The following CNGB3 variants were observed in gnomAD, a reference collection of about 807,000 sequenced individuals.
The protein encoded by CNGB3 is cyclic nucleotide-gated channel beta-3.
CNGB3 carries 86 observed loss-of-function variants against 92.8 expected under a neutral mutation model. That is an observed-to-expected ratio of 0.93 (90% CI 0.78 to 1.11). The LOEUF (loss-of-function observed/expected upper bound fraction) is 1.11, where lower values mean the gene tolerates loss of function less well. Ranked by LOEUF, CNGB3 falls within the 50% of genes least tolerant of loss-of-function variation. The pLI is 0.00. For synonymous variants in CNGB3, 333 were observed against 332.7 expected, an observed-to-expected ratio of 1.00 and a Z score of -0.01; for missense variants, 1,026 against 956.8, an observed-to-expected ratio of 1.07 and a Z score of -0.95.
chr8:86,620,911 T>A (rs1481056910), intron 13 of CNGB3, among the ~76,000 whole-genome samples: 2 of 152,236 alleles, frequency 1.3e-5, no homozygotes, highest in Admixed American at 1.3e-4. Context: ...AAAAAAAGTT[T>A]TTTTCATGTA....
chr8:86,629,183 T>G, intron 11 of CNGB3, 105 bp from the exon 12 acceptor site: 1 of 1,253,216 alleles, frequency 8.0e-7, no homozygotes. Context: ...ATGCCCTGAT[T>G]ACTTGATTTT....
chr8:86,641,381 T>C (rs1823182524), intron 10 of CNGB3, among the ~76,000 whole-genome samples: 1 of 152,034 alleles, frequency 6.6e-6, no homozygotes. Context: ...TTTCTTACTT[T>C]CTTAATAAAT....
At position 86,671,083 on chromosome 8, in the gene CNGB3, C is replaced by A. The variant is rs75858066; in HGVS notation, c.354G>T (p.Pro118=). ...ACTCATTTATAACAGGAGCTGCAGG[C>A]GGTTTGTTTTGTGGGCTAAATGAGA... ...KEGPNSPQNK[P]PAAPVINEYA... is the part of the protein sequence containing the mutation. Residue 118 remains proline, a synonymous_variant, in exon 4 of 18, where the codon CCG becomes CCT. Transcript: ENST00000320005. 2,857 of 1,613,354 alleles carry A rather than the reference C, an allele frequency of 1.8e-3. 40 individuals carry two copies. In the African/African-American group the frequency reaches 0.034, roughly 19 times the overall value.
At chr8:86,707,664 G>T (rs1447879862) in intron 3 of CNGB3, 2 of 152,268 alleles carry the variant, frequency 1.3e-5, no homozygotes, top group African/African-American at 4.8e-5. Context: ...GAATCTAGAG[G>T]AGAAAGGGAT....
chr8:86,720,217 A>C (rs1000190422), intron 3 of CNGB3, among the ~76,000 whole-genome samples: 2 of 152,246 alleles, frequency 1.3e-5, no homozygotes, highest in African/African-American at 2.4e-5. Flanking sequence ...GACAACCCAC[A>C]GAGTGGGAGA....
At position 86,668,005 on chromosome 8, in the gene CNGB3, C is replaced by G; in HGVS notation, c.643+14G>C. 6.2e-7 allele frequency: 1 copy of G among 1,613,806 alleles called. No individual in the cohort carries two copies. Among genetic ancestry groups the G allele is most frequent in the Non-Finnish European group, 8.5e-7 (1 of 1,179,854 alleles). On this transcript the variant is annotated intron_variant, in intron 5 of 17. Transcript: ENST00000320005. ...CCAGCCCTCCCACTATGATAATTCA[C>G]CCTTTGATAATACCTGTGTATGAAT...
At chr8:86,702,317 G>A (rs13282813) in intron 3 of CNGB3, among the ~76,000 whole-genome samples, 30,816 of 152,026 alleles carry the variant, frequency 0.2, 3,524 homozygotes, top group South Asian at 0.3. Flanking sequence ...TCTCCTTAAG[G>A]CTATTCTGTA....
At chr8:86,655,193 T>G (rs994581505) in intron 6 of CNGB3, among the ~76,000 whole-genome samples, 4 of 152,226 alleles carry the variant, frequency 2.6e-5, no homozygotes, top group Non-Finnish European at 5.9e-5. Context: ...ATGGCCATTC[T>G]CTGCTTTCTG....
chr8:86,635,839 T>TATATATAC (rs1823055537), intron 10 of CNGB3, among the ~76,000 whole-genome samples: 1 of 62,400 alleles, frequency 1.6e-5, no homozygotes, highest in Non-Finnish European at 2.9e-5. Context: ...TATATATATA[T>TATATATAC]ATATATATAT....
chr8:86,719,695 G>A (rs1235086112), intron 3 of CNGB3, among the ~76,000 whole-genome samples: 1 of 151,904 alleles, frequency 6.6e-6, no homozygotes, highest in Non-Finnish European at 1.5e-5. Flanking sequence ...ACAAAGCAAG[G>A]CTAAACAAAA....
chr8:86,584,704 AGTTGAG>A (rs904811736), intron 15 of CNGB3, among the ~76,000 whole-genome samples: 6 of 152,264 alleles, frequency 3.9e-5, no homozygotes, highest in Middle Eastern at 6.8e-3. Context: ...GAGTACAAAG[AGTTGAG>A]GTTGCTATTG....
chr8:86,671,613 G>T (rs373881535), intron 3 of CNGB3, among the ~76,000 whole-genome samples: 12 of 152,368 alleles, frequency 7.9e-5, no homozygotes, highest in African/African-American at 2.4e-4. Context: ...CAAGAAGGCA[G>T]AGATTTGAAG....
At chr8:86,656,819 C>T (rs2131605142) in intron 6 of CNGB3, among the ~76,000 whole-genome samples, 1 of 152,254 alleles carries the variant, frequency 6.6e-6, no homozygotes, top group Admixed American at 6.5e-5. Context: ...CCATCCTTGC[C>T]TCCTTTCTCT....
chr8:86,644,596 C>G, intron 9 of CNGB3, 26 bp downstream of exon 9: 2 of 1,598,430 alleles, frequency 1.3e-6, no homozygotes, highest in Non-Finnish European at 1.7e-6. Flanking sequence ...TTCCCCTTCC[C>G]CCAAGTATAC....
chr8:86,607,144 T>A (rs1179496961), intron 14 of CNGB3, among the ~76,000 whole-genome samples: 1 of 152,220 alleles, frequency 6.6e-6, no homozygotes, highest in African/African-American at 2.4e-5. Context: ...GCTCTTTTAA[T>A]TATTTTTTAA....
At chr8:86,728,030 AC>A (rs1825093353) in intron 2 of CNGB3, among the ~76,000 whole-genome samples, 2 of 152,184 alleles carry the variant, frequency 1.3e-5, no homozygotes, top group African/African-American at 2.4e-5. Context: ...AAAGTTTAAG[AC>A]TAAGAAAGCC....
chr8:86,679,255 A>G (rs1313510192), intron 3 of CNGB3, among the ~76,000 whole-genome samples: 1 of 151,994 alleles, frequency 6.6e-6, no homozygotes, highest in African/African-American at 2.4e-5. Flanking sequence ...ACACTCTTAC[A>G]TTTATTAGTT....
chr8:86,619,138 T>A (rs972117563), intron 13 of CNGB3, among the ~76,000 whole-genome samples: 1 of 152,250 alleles, frequency 6.6e-6, no homozygotes, highest in Non-Finnish European at 1.5e-5. Context: ...GGTTTCCTAC[T>A]GAACTGGGGG....
intron 7 of CNGB3, among the ~76,000 whole-genome samples, chr8:86,649,053 C>A (rs1300828503): frequency 6.6e-6 from 1 of 151,342 alleles, no homozygotes; most frequent in Non-Finnish European, 1.5e-5. Context: ...GGAACTCAAT[C>A]CCTTTACAAC....
Sources: gnomAD v4.1 joint callset for allele counts (sites outside exome capture counted in the v4.1 genomes callset) on GRCh38, gnomAD v4.1.1 for gene constraint, MANE v1.5 for transcripts, NCBI Gene and HGNC (gene_info 2026-07-23, HGNC 2026-07-21) for gene names.